Variants in LRRC28 observed in about 807,000 individuals in gnomAD.
LRRC28 encodes the protein leucine-rich repeat-containing protein 28.
A neutral mutation model predicts 45.7 loss-of-function variants in LRRC28; 39 were observed. The observed-to-expected ratio is 0.85, with a 90% CI of 0.66 to 1.12. The LOEUF is 1.12. LRRC28 is among the 50% of genes most tolerant of loss of function. The pLI, the probability that LRRC28 is intolerant of heterozygous loss-of-function variation, is 0.00. For missense variants in LRRC28, 435 were observed against 438.5 expected (o/e 0.99, Z 0.07); for synonymous variants, 206 against 178.8 (o/e 1.15, Z -1.22).
intron 7 of LRRC28, among the ~76,000 whole-genome samples, chr15:99,356,693 T>C (rs1457283101): frequency 6.6e-6 from 1 of 152,216 alleles, no homozygotes; most frequent in African/African-American, 2.4e-5. Context: ...CAAATTTACA[T>C]TTTCAAGAAG....
chr15:99,385,694 C>A, intron 9 of LRRC28, among the ~76,000 whole-genome samples: 1 of 149,728 alleles, frequency 6.7e-6, no homozygotes, highest in Non-Finnish European at 1.5e-5. Flanking sequence ...TCTGTGATTG[C>A]GTTGTTGGTT....
At chr15:99,346,208 G>A (rs1366492024) in intron 6 of LRRC28, among the ~76,000 whole-genome samples, 3 of 152,082 alleles carry the variant, frequency 2.0e-5, no homozygotes, top group Admixed American at 6.6e-5. Flanking sequence ...ACAGGGTCTT[G>A]CTCTGTCACC....
chr15:99,259,741 A>G, intron 2 of LRRC28: 2 of 1,413,614 alleles, frequency 1.4e-6, no homozygotes, highest in East Asian at 2.3e-5. Flanking sequence ...ATGATAAAAC[A>G]GTTTTGGATC....
At chr15:99,301,722 G>A (rs1168133885) in intron 5 of LRRC28, among the ~76,000 whole-genome samples, 1 of 152,128 alleles carries the variant, frequency 6.6e-6, no homozygotes, top group Non-Finnish European at 1.5e-5. Flanking sequence ...ATTTGCTTCT[G>A]CTGCTAAAAG....
intron 5 of LRRC28, among the ~76,000 whole-genome samples, chr15:99,324,410 G>A (rs940928104): frequency 6.6e-6 from 1 of 152,140 alleles, no homozygotes; most frequent in South Asian, 2.1e-4. Context: ...AGTGTGCTCT[G>A]GAGCTCAACT....
At chr15:99,273,312 C>G (rs1488862957) in intron 2 of LRRC28, among the ~76,000 whole-genome samples, 1 of 152,094 alleles carries the variant, frequency 6.6e-6, no homozygotes, top group Non-Finnish European at 1.5e-5. Context: ...TCTTGGCTCA[C>G]TGCAAGCTCT....
intron 6 of LRRC28, among the ~76,000 whole-genome samples, chr15:99,336,695 A>C (rs1485373129): frequency 6.6e-6 from 1 of 152,178 alleles, no homozygotes; most frequent in Non-Finnish European, 1.5e-5. Flanking sequence ...TAGTGTCAGT[A>C]GCTTCTGCAT....
chr15:99,252,562 G>A (rs2080865199), intron 1 of LRRC28, among the ~76,000 whole-genome samples: 2 of 152,174 alleles, frequency 1.3e-5, no homozygotes, highest in African/African-American at 4.8e-5. Context: ...TGGAACTATG[G>A]CATGTTACCC....
At chr15:99,328,618 G>C (rs1281353161) in intron 5 of LRRC28, among the ~76,000 whole-genome samples, 1 of 150,606 alleles carries the variant, frequency 6.6e-6, no homozygotes, top group African/African-American at 2.5e-5. Flanking sequence ...CTGTGAGGTA[G>C]TTTCCAGAGG....
chr15:99,294,015 C>T (rs1419465266), intron 5 of LRRC28, among the ~76,000 whole-genome samples: 1 of 152,148 alleles, frequency 6.6e-6, no homozygotes, highest in East Asian at 1.9e-4. Flanking sequence ...CCATTATTTC[C>T]TGGCCGCCAT....
At chr15:99,380,851 G>A (rs962463232) in intron 9 of LRRC28, among the ~76,000 whole-genome samples, 1 of 152,192 alleles carries the variant, frequency 6.6e-6, no homozygotes, top group African/African-American at 2.4e-5. Flanking sequence ...TAAGAATGTT[G>A]ACTGTTGGTC....
At chr15:99,307,037 G>A (rs1365905687) in intron 5 of LRRC28, among the ~76,000 whole-genome samples, 1 of 152,202 alleles carries the variant, frequency 6.6e-6, no homozygotes, top group African/African-American at 2.4e-5. Context: ...TTCATTGTCA[G>A]AATGGGGCCA....
chr15:99,357,624 G>A (rs990175257), intron 7 of LRRC28, among the ~76,000 whole-genome samples: 1 of 152,148 alleles, frequency 6.6e-6, no homozygotes, highest in Admixed American at 6.5e-5. Flanking sequence ...TGACCTTGGT[G>A]GTGATTAGTG....
At chr15:99,302,471 C>A (rs1955018479) in intron 5 of LRRC28, among the ~76,000 whole-genome samples, 1 of 152,238 alleles carries the variant, frequency 6.6e-6, no homozygotes, top group East Asian at 1.9e-4. Flanking sequence ...TCACTGCAAC[C>A]TCTGCCTCCC....
At chr15:99,363,671 T>G (rs536926917) in intron 9 of LRRC28, among the ~76,000 whole-genome samples, 1 of 152,372 alleles carries the variant, frequency 6.6e-6, no homozygotes, top group South Asian at 2.1e-4. Context: ...TGTATGTGTG[T>G]GTGTTTGTGT....
At chr15:99,376,879 C>A (rs1347704073) in intron 9 of LRRC28, among the ~76,000 whole-genome samples, 2 of 152,228 alleles carry the variant, frequency 1.3e-5, no homozygotes, top group South Asian at 2.1e-4. Context: ...TGAACTCATC[C>A]TTTTTTATGG....
intron 5 of LRRC28, among the ~76,000 whole-genome samples, chr15:99,293,585 C>T (rs1280221250): frequency 3.7e-5 from 1 of 26,816 alleles, no homozygotes; most frequent in African/African-American, 1.1e-4. Flanking sequence ...AAGAACGAAA[C>T]TCTGTCACAA....
chr15:99,292,359 C>CTT lies in LRRC28; in HGVS notation c.385+4423_385+4424dup, dbSNP rs35435895. Among the ~76,000 whole-genome samples the CTT allele has an allele frequency of 4.6e-3, 612 of 133,034 alleles. 11 individuals carry two copies. The highest frequency in any genetic ancestry group is 9.5e-3 in the African/African-American group (341 of 35,726). 87.3% of individuals were successfully genotyped at this position (133,034 alleles called of 152,430 possible). On this transcript the variant is annotated intron_variant, in intron 5 of 9. Transcript: ENST00000301981. The stretch of plus-strand genomic sequence containing the variant: ...CAGGGGGATTTATTAATCGTACAGT[C>CTT]TTTTTTTTTTTTTTTTGAAACGGAG...
Position 99,347,261 on chromosome 15 carries a change from G to C in LRRC28, c.593-5108G>C, listed in dbSNP as rs141356830. 5.9e-5 allele frequency among the ~76,000 whole-genome samples: 9 copies of C among 151,512 alleles called. No individual in the cohort carries two copies. The East Asian group carries it at 7.8e-4, about 13-fold the overall frequency. On this transcript the variant is annotated intron_variant, in intron 6 of 9. Transcript: ENST00000301981. The stretch of plus-strand genomic sequence containing the variant: ...GTCTCCCTCTGTCACCCAGGCTGGA[G>C]TGCAGTGGTGCTATCTCGGCTCACT...
Sources: allele counts gnomAD v4.1 joint callset (sites outside exome capture counted in the v4.1 genomes callset), GRCh38; gene constraint gnomAD v4.1.1; transcripts MANE v1.5; gene names NCBI Gene and HGNC (gene_info 2026-07-23, HGNC 2026-07-21).